The following ZNF500 variants were observed in gnomAD, a reference collection of about 807,000 sequenced individuals.
The protein encoded by ZNF500 is zinc finger protein with KRAB and SCAN domains 18.
In ZNF500, 31 loss-of-function variants were observed where a neutral mutation model predicts 30.1. The ratio of observed to expected loss-of-function variants is 1.03; its 90% CI spans 0.77 to 1.39. The LOEUF is 1.39. Ranked by LOEUF, ZNF500 falls within the 40% of genes most tolerant of loss-of-function variation. ZNF500 has a pLI of 0.00. For missense variants in ZNF500, 817 were observed against 657.8 expected (o/e 1.24, Z -2.65); for synonymous variants, 392 against 282.0 (o/e 1.39, Z -3.91).
At chr16:4,753,124 G>T in intron 5 of ZNF500, 66 bp from the exon 6 acceptor site, 1 of 1,489,660 alleles carries the variant, frequency 6.7e-7, no homozygotes, top group Admixed American at 2.3e-5. Context: ...CCTTCTAATA[G>T]GAAAATGAAG....
intron 5 of ZNF500, 90 bp from the exon 6 acceptor site, chr16:4,753,148 C>G (rs1310571680): frequency 6.8e-7 from 1 of 1,462,630 alleles, no homozygotes; most frequent in Admixed American, 2.6e-5. Context: ...TCACAGGGCT[C>G]CTAAGGTTCC....
downstream of ZNF500, chr16:4,746,738 A>G (rs2142214333): frequency 1.3e-6 from 1 of 759,902 alleles, no homozygotes; most frequent in South Asian, 1.9e-5. Context: ...AATAGAGCCC[A>G]ACACGTCTAG....
At chr16:4,758,938 G>A (rs1216404042) in intron 5 of ZNF500, among the ~76,000 whole-genome samples, 5 of 152,184 alleles carry the variant, frequency 3.3e-5, no homozygotes, top group African/African-American at 1.2e-4. Context: ...GGCCAGGTGC[G>A]GTAGCTCACG....
At position 4,762,622 on chromosome 16, in the gene ZNF500, G is replaced by A. The variant is rs143991556; in HGVS notation, c.549C>T (p.Ala183=). 1.2e-6 allele frequency: 2 copies of A among 1,614,082 alleles called. No homozygotes were observed. The highest frequency in any genetic ancestry group is 8.5e-7 in the Non-Finnish European group (1 of 1,180,004). The change falls in exon 3 of 6, where the codon GCC becomes GCT. Residue 183 remains alanine (A), a synonymous_variant. Coordinates refer to ENST00000219478, the MANE Select transcript of ZNF500 (RefSeq NM_021646.4). ...EARFSSQQPP[A]QLSHRPQRGP... ...CCCTCTGTGGCCTGTGGCTCAGCTG[G>A]GCTGGGGGCTGCTGGCTGGAGAATC... is the stretch of plus-strand genomic sequence containing the variant.
In ZNF500 at chr16:4,762,720, C is replaced by T. The variant is rs187577017; in HGVS notation, c.451G>A (p.Gly151Arg). The change falls in exon 3 of 6, where the codon GGG becomes AGG. Residue 151 changes from glycine to arginine, a missense_variant. Gly to Arg is a moderately radical substitution (Grantham distance 125, BLOSUM62 -2). Coordinates refer to ENST00000219478, the MANE Select transcript of ZNF500 (RefSeq NM_021646.4). ...ELLSDDEVPL[G>R]IGGQFLKHQA... Reference sequence around the variant, plus strand: ...TGTTTTAAGAACTGTCCCCCTATCCCGAGGGGCACCTCGTCATCAGAAAGC... The same window carrying T: ...TGTTTTAAGAACTGTCCCCCTATCCTGAGGGGCACCTCGTCATCAGAAAGC... 4.5e-5 allele frequency: 72 copies of T among 1,612,720 alleles called. No homozygotes were observed. In the East Asian group the frequency reaches 6.9e-4, roughly 15 times the overall value.
chr16:4,751,712 T>G lies in ZNF500; in HGVS notation c.*664A>C. On this transcript the variant is annotated 3_prime_UTR_variant, in exon 6 of 6. Coordinates refer to ENST00000219478, the MANE Select transcript of ZNF500 (RefSeq NM_021646.4). ...ATAATTAGTTAAGATGAGGTCACAGTGTATTGGGGGACCCTAAACCCAGTG... is the reference window on the plus strand; with the variant it reads ...ATAATTAGTTAAGATGAGGTCACAGGGTATTGGGGGACCCTAAACCCAGTG... 2 of 1,441,414 alleles carry G rather than the reference T, an allele frequency of 1.4e-6. No homozygotes were observed. The highest frequency in any genetic ancestry group is 1.9e-6 in the Non-Finnish European group (2 of 1,061,968). The allele number at this position is 1,441,414 out of a possible 1,614,324, so 89.3% of individuals were successfully genotyped here.
chr16:4,752,945 C>G lies in ZNF500; in HGVS notation c.874G>C (p.Gly292Arg). 1 of 1,611,596 alleles carries G rather than the reference C, an allele frequency of 6.2e-7. No homozygotes were observed. ...RCQGPGHPLP[G>R]QRPAPVRGLV... is the part of the protein sequence containing the mutation. Reference sequence around the variant, plus strand: ...CCCCTGACTGGGGCTGGCCTCTGACCTGGGAGCGGGTGGCCAGGCCCCTGG... The same window carrying G: ...CCCCTGACTGGGGCTGGCCTCTGACGTGGGAGCGGGTGGCCAGGCCCCTGG... The change falls in exon 6 of 6, where the codon GGT (glycine) becomes CGT (arginine). Residue 292 changes from glycine to arginine, a missense_variant. By Grantham distance (125) the Gly-to-Arg change is moderately radical. Transcript: ENST00000219478.
downstream of ZNF500, chr16:4,745,146 A>G (rs1234722772): frequency 8.6e-7 from 1 of 1,161,588 alleles, no homozygotes; most frequent in Non-Finnish European, 1.2e-6. Context: ...CTGATCAGGC[A>G]GTCGCTCCAG....
downstream of ZNF500, among the ~76,000 whole-genome samples, chr16:4,745,392 C>T (rs2082001945): frequency 2.6e-5 from 4 of 152,176 alleles, no homozygotes; most frequent in Non-Finnish European, 4.4e-5. Context: ...ACCCCAGCTG[C>T]GGGATTTTTC....
At position 4,749,382 on chromosome 16, in the gene ZNF500, C is replaced by G. The variant is rs1474857288; in HGVS notation, c.*2994G>C. On this transcript the variant is annotated 3_prime_UTR_variant, in exon 6 of 6. Coordinates refer to ENST00000219478, the MANE Select transcript of ZNF500 (RefSeq NM_021646.4). ...GTTTTACAGTGATGGAAAATAAACT[C>G]TGTTCCAAGTTCAACTCTGAATTAC... is the stretch of plus-strand genomic sequence containing the variant. The G allele has an allele frequency of 6.5e-6, 1 of 154,430 alleles. No homozygotes were observed. The highest frequency in any genetic ancestry group is 1.5e-5 in the Non-Finnish European group (1 of 68,228). 9.6% of individuals were successfully genotyped at this position (154,430 alleles called of 1,614,324 possible). A position where few individuals can be genotyped will look rare whatever the true frequency, so the allele number is the denominator to read the frequency against.
intron 2 of ZNF500, chr16:4,763,535 A>G: frequency 1.0e-6 from 1 of 985,230 alleles, no homozygotes; most frequent in Non-Finnish European, 1.2e-6. Context: ...CACTTGGACA[A>G]GAGACATCCC....
At chr16:4,763,972 A>G in intron 2 of ZNF500, 2 of 985,480 alleles carry the variant, frequency 2.0e-6, no homozygotes, top group Non-Finnish European at 2.4e-6. Context: ...AAGGCCCTGA[A>G]AAATGAACTG....
downstream of ZNF500, chr16:4,746,540 C>G (rs1046320717): frequency 1.9e-6 from 3 of 1,602,380 alleles, no homozygotes; most frequent in Non-Finnish European, 2.6e-6. Context: ...TACCCCATAC[C>G]AGCCTCTACT....
intron 5 of ZNF500, among the ~76,000 whole-genome samples, chr16:4,758,948 G>A (rs972798904): frequency 1.2e-4 from 18 of 152,048 alleles, no homozygotes; most frequent in African/African-American, 1.4e-4. Flanking sequence ...GGTAGCTCAC[G>A]CCTGTAATCC....
Position 4,766,086 on chromosome 16 carries a change from G to C in ZNF500, c.-98-10C>G, listed in dbSNP as rs1471891081. ...AGTTTTTTTCAGGGCCCTGTGGAGA[G>C]ACGATAAAACCATCTGAAGGGCAGC... On this transcript the variant is annotated splice_polypyrimidine_tract_variant and intron_variant, in intron 1 of 5. Transcript: ENST00000219478. The C allele has an allele frequency of 3.7e-6, 5 of 1,356,602 alleles. No individual in the cohort carries two copies. Among genetic ancestry groups the C allele is most frequent in the Non-Finnish European group, 3.9e-6 (4 of 1,022,510 alleles). 84.0% of individuals were successfully genotyped at this position (1,356,602 alleles called of 1,614,324 possible).
chr16:4,746,990 C>T (rs749171265), downstream of ZNF500: 39 of 1,542,686 alleles, frequency 2.5e-5, no homozygotes, highest in East Asian at 7.2e-5. Context: ...CTCTGGGAGA[C>T]GCAGAGGGGG....
chr16:4,744,738 C>A, downstream of ZNF500: 1 of 1,159,226 alleles, frequency 8.6e-7, no homozygotes, highest in South Asian at 1.5e-5. Flanking sequence ...AGGGAGAGGG[C>A]TGGGCGGGGG....
intron 2 of ZNF500, 100 bp from the exon 3 acceptor site, chr16:4,762,856 G>A: frequency 4.8e-6 from 7 of 1,460,034 alleles, no homozygotes; most frequent in East Asian, 2.4e-5. Flanking sequence ...CCAGCCGGCT[G>A]CCCACCCCCG....
chr16:4,751,918 G>A lies in ZNF500; in HGVS notation c.*458C>T, dbSNP rs1248570178. 33 of 276,512 alleles carry A rather than the reference G, an allele frequency of 1.2e-4. No homozygotes were observed. The highest frequency in any genetic ancestry group is 1.4e-3 in the Middle Eastern group (1 of 710). The allele number at this position is 276,512 out of a possible 1,614,324, so 17.1% of individuals were successfully genotyped here. On this transcript the variant is annotated 3_prime_UTR_variant, in exon 6 of 6. Coordinates refer to ENST00000219478, the MANE Select transcript of ZNF500 (RefSeq NM_021646.4). ...GCAAGGCCCCGTCTCAAAAAAAAAA[G>A]GGGGGGGGAGCAGGTGGGGGGTACA... is the stretch of plus-strand genomic sequence containing the variant.
Sources: gnomAD v4.1 joint callset for allele counts (sites outside exome capture counted in the v4.1 genomes callset) on GRCh38, gnomAD v4.1.1 for gene constraint, MANE v1.5 for transcripts, NCBI Gene and HGNC (gene_info 2026-07-23, HGNC 2026-07-21) for gene names.